HDAC9: variants seen among roughly 807,000 people sequenced by gnomAD.
HDAC9 encodes the protein MEF-2 interacting transcription repressor (MITR) protein.
HDAC9 carries 41 observed loss-of-function variants against 139.4 expected under a neutral mutation model. That is an observed-to-expected ratio of 0.29 (90% confidence interval 0.23 to 0.38). HDAC9 has a LOEUF of 0.38. Among genes scored for constraint, HDAC9 ranks in the 10% least tolerant of loss-of-function variants. The pLI is 1.00. For synonymous variants in HDAC9, 517 were observed against 476.2 expected (o/e 1.09, Z -1.12); for missense variants, 1,147 against 1,297.0 (o/e 0.88, Z 1.78).
intron 1 of HDAC9, among the ~76,000 whole-genome samples, chr7:18,451,401 G>GTGTGTA (rs760861605): frequency 0.21 from 28,344 of 134,340 alleles, 2,961 homozygotes; most frequent in South Asian, 0.32. Flanking sequence ...GTGTGTGTGT[G>GTGTGTA]TATATATGTG....
At chr7:18,216,867 T>C (rs1562758835) in intron 2 of HDAC9, among the ~76,000 whole-genome samples, 1 of 152,142 alleles carries the variant, frequency 6.6e-6, no homozygotes, top group Non-Finnish European at 1.5e-5. Context: ...AGTTGTACAC[T>C]GCCACCTATA....
rs185500309 is a variant in HDAC9, at chr7:18,649,024, G to A, written c.1467+341G>A. Among the ~76,000 whole-genome samples the A allele has an allele frequency of 8.6e-4, 131 of 152,286 alleles. 1 individual carries two copies. The highest frequency in any genetic ancestry group is 3.1e-3 in the African/African-American group (127 of 41,576). Reference sequence around the variant, plus strand: ...AGTTTGAGGCAGACTTGAATGTGGTGTGTTGACATGTCAAAAAGTTTGTAC... The same window carrying A: ...AGTTTGAGGCAGACTTGAATGTGGTATGTTGACATGTCAAAAAGTTTGTAC... On this transcript the variant is annotated intron_variant, in intron 11 of 25. Coordinates refer to ENST00000686413, the MANE Select transcript of HDAC9 (RefSeq NM_178425.4).
At chr7:18,637,823 T>A (rs1784368014) in intron 8 of HDAC9, among the ~76,000 whole-genome samples, 1 of 152,042 alleles carries the variant, frequency 6.6e-6, no homozygotes, top group Non-Finnish European at 1.5e-5. Context: ...TAATTCATTC[T>A]CGATAGGTGA....
At chr7:18,287,345 A>G (rs1668084239), upstream of HDAC9, among the ~76,000 whole-genome samples, 1 of 152,222 alleles carries the variant, frequency 6.6e-6, no homozygotes, top group African/African-American at 2.4e-5. Context: ...TTTATTCTAT[A>G]TAATTCCTAT....
chr7:18,850,093 A>G (rs982591718), intron 21 of HDAC9, among the ~76,000 whole-genome samples: 3 of 151,792 alleles, frequency 2.0e-5, no homozygotes, highest in Non-Finnish European at 4.4e-5. Flanking sequence ...AAAAAAAAAA[A>G]AAAAAAAGAA....
chr7:18,975,622 C>A (rs1030777489), intron 24 of HDAC9, among the ~76,000 whole-genome samples, 184 bp from the exon 25 acceptor site: 59 of 152,152 alleles, frequency 3.9e-4, no homozygotes, highest in African/African-American at 1.4e-3. Flanking sequence ...ATGGGCACTT[C>A]ACAACTTGGC....
intron 21 of HDAC9, among the ~76,000 whole-genome samples, chr7:18,843,895 G>A (rs373450458): frequency 6.6e-6 from 1 of 152,124 alleles, no homozygotes. Flanking sequence ...AATCATACTC[G>A]TGAAAACTTT....
At chr7:18,667,376 A>G (rs1159824083) in intron 12 of HDAC9, 7 of 981,418 alleles carry the variant, frequency 7.1e-6, no homozygotes, top group East Asian at 2.3e-4. Context: ...AAGGTGTATC[A>G]TATTTTATAT....
intron 17 of HDAC9, among the ~76,000 whole-genome samples, chr7:18,812,359 C>A (rs1303445173): frequency 6.6e-6 from 1 of 151,810 alleles, no homozygotes; most frequent in African/African-American, 2.4e-5. Context: ...TCGCTTGCAC[C>A]ACTGTTCTGC....
At chr7:18,141,784 C>T (rs912193433) in intron 1 of HDAC9, among the ~76,000 whole-genome samples, 4 of 151,894 alleles carry the variant, frequency 2.6e-5, no homozygotes, top group Non-Finnish European at 5.9e-5. Context: ...CAATCTTGGC[C>T]CTGCTGTCAA....
intron 21 of HDAC9, among the ~76,000 whole-genome samples, chr7:18,859,094 G>C (rs1797900188): frequency 6.6e-6 from 1 of 152,084 alleles, no homozygotes; most frequent in Non-Finnish European, 1.5e-5. Context: ...CAACTTGACT[G>C]ATTATCTTAC....
intron 2 of HDAC9, among the ~76,000 whole-genome samples, chr7:18,225,867 A>G (rs1388121002): frequency 6.6e-6 from 1 of 152,198 alleles, no homozygotes; most frequent in African/African-American, 2.4e-5. Flanking sequence ...TAAACATAAA[A>G]TAGTAATCTT....
chr7:18,965,270 G>C (rs909221700), intron 24 of HDAC9, among the ~76,000 whole-genome samples: 4 of 152,154 alleles, frequency 2.6e-5, no homozygotes, highest in African/African-American at 9.7e-5. Context: ...ACATGGGATA[G>C]TTTATTACTC....
At chr7:18,868,075 T>C (rs535855675) in intron 21 of HDAC9, among the ~76,000 whole-genome samples, 2 of 152,224 alleles carry the variant, frequency 1.3e-5, no homozygotes, top group Admixed American at 6.5e-5. Flanking sequence ...TTTATCTGTT[T>C]CGTTAAGAGT....
At chr7:18,108,312 G>A (rs1441740275) in intron 1 of HDAC9, among the ~76,000 whole-genome samples, 4 of 152,118 alleles carry the variant, frequency 2.6e-5, no homozygotes, top group South Asian at 2.1e-4. Flanking sequence ...TACCAACAGC[G>A]TTCACTGTAT....
chr7:18,631,248 C>T (rs577588492), intron 7 of HDAC9, among the ~76,000 whole-genome samples: 2 of 152,184 alleles, frequency 1.3e-5, no homozygotes, highest in South Asian at 4.1e-4. Context: ...GATAAGCACT[C>T]GCCCTTTCAC....
chr7:18,121,563 T>C, intron 1 of HDAC9, among the ~76,000 whole-genome samples: 1 of 148,550 alleles, frequency 6.7e-6, no homozygotes, highest in Non-Finnish European at 1.5e-5. Context: ...AAAAAAACCA[T>C]TGAAATTATC....
intron 23 of HDAC9, among the ~76,000 whole-genome samples, chr7:18,953,579 A>C (rs577116666): frequency 3.9e-5 from 6 of 152,268 alleles, no homozygotes; most frequent in Admixed American, 3.9e-4. Flanking sequence ...ATAAAGTAGA[A>C]GTTAAATGAA....
intron 2 of HDAC9, among the ~76,000 whole-genome samples, chr7:18,241,243 A>G (rs952152780): frequency 2.0e-5 from 3 of 152,258 alleles, no homozygotes; most frequent in African/African-American, 7.2e-5. Flanking sequence ...CAAAGTATAT[A>G]CTGAAAATTC....
Sources: gnomAD v4.1 joint callset for allele counts (sites outside exome capture counted in the v4.1 genomes callset) on GRCh38, gnomAD v4.1.1 for gene constraint, MANE v1.5 for transcripts, NCBI Gene and HGNC (gene_info 2026-07-23, HGNC 2026-07-21) for gene names.